The following PDE1A variants were observed in gnomAD, a reference collection of about 807,000 sequenced individuals.
PDE1A encodes the protein phosphodiesterase 1A, also known as dual specificity calcium/calmodulin-dependent 3',5'-cyclic nucleotide phosphodiesterase 1A.
PDE1A carries 35 observed loss-of-function variants against 61.7 expected under a neutral mutation model. That is an observed-to-expected ratio of 0.57 (90% confidence interval 0.43 to 0.75). PDE1A has a LOEUF of 0.75. PDE1A is among the 30% of genes least tolerant of loss of function. The probability of loss-of-function intolerance (pLI) is 0.00; values close to 1 mark genes in which losing one functional copy is unlikely to be tolerated. For synonymous variants in PDE1A, 232 were observed against 213.2 expected (o/e 1.09, Z -0.77); for missense variants, 597 against 630.6 (o/e 0.95, Z 0.57).
chr2:182,262,230 C>CTT (rs1553559169), intron 2 of PDE1A, among the ~76,000 whole-genome samples: 3 of 144,208 alleles, frequency 2.1e-5, no homozygotes, highest in Non-Finnish European at 4.6e-5. Context: ...TTTTCTTTCT[C>CTT]TCTTTCTTTC....
intron 1 of PDE1A, among the ~76,000 whole-genome samples, chr2:182,295,185 C>T (rs954351713): frequency 2.7e-5 from 4 of 146,824 alleles, no homozygotes; most frequent in African/African-American, 1.0e-4. Context: ...CGCCATTCTC[C>T]TGCCTCAGCC....
At position 182,256,038 on chromosome 2, in the gene PDE1A, CTTTTT is replaced by C. The variant is rs755211798; in HGVS notation, c.167+8258_167+8262del. 8.7e-5 allele frequency among the ~76,000 whole-genome samples: 8 copies of C among 92,336 alleles called. No individual in the cohort carries two copies. The East Asian group carries it at 2.7e-3, about 31-fold the overall frequency. 60.6% of individuals were successfully genotyped at this position (92,336 alleles called of 152,430 possible). ...CTAGATAACTTCCCAAGGATGACTTCTTTTTTTTTTTTTTTTTTTTCTTGTTTATT... is the reference window on the plus strand; with the variant it reads ...CTAGATAACTTCCCAAGGATGACTTCTTTTTTTTTTTTTTTCTTGTTTATT... On this transcript the variant is annotated intron_variant, in intron 2 of 13. Transcript: ENST00000351439.
intron 1 of PDE1A, among the ~76,000 whole-genome samples, chr2:182,308,191 G>A (rs1220037405): frequency 6.6e-6 from 1 of 152,080 alleles, no homozygotes; most frequent in African/African-American, 2.4e-5. Flanking sequence ...CCAGCTTAGA[G>A]TGCTCAGGGA....
At chr2:182,183,577 T>C (rs1426214261) in intron 13 of PDE1A, among the ~76,000 whole-genome samples, 1 of 152,112 alleles carries the variant, frequency 6.6e-6, no homozygotes, top group Non-Finnish European at 1.5e-5. Context: ...TTTGTCAGCC[T>C]AGGGTTGGGG....
the PDE1A span, among the ~76,000 whole-genome samples, chr2:182,558,571 T>C: frequency 6.6e-6 from 1 of 152,208 alleles, no homozygotes. Context: ...TACAAGATCA[T>C]GTCAGTTTTT....
intron 1 of PDE1A, among the ~76,000 whole-genome samples, chr2:182,386,419 C>T (rs1237017186): frequency 1.3e-5 from 2 of 151,846 alleles, no homozygotes; most frequent in Non-Finnish European, 2.9e-5. Flanking sequence ...TGCCCGGCTG[C>T]CCATCGTCTG....
chr2:182,357,482 T>G (rs532972324), intron 1 of PDE1A, among the ~76,000 whole-genome samples: 2 of 152,260 alleles, frequency 1.3e-5, no homozygotes, highest in Admixed American at 6.5e-5. Flanking sequence ...TCATTGACCT[T>G]TCTTTAGAGG....
At chr2:182,365,263 C>T (rs765992773) in intron 1 of PDE1A, among the ~76,000 whole-genome samples, 74 of 151,982 alleles carry the variant, frequency 4.9e-4, no homozygotes, top group Non-Finnish European at 6.0e-4. Flanking sequence ...TTGCAATCAT[C>T]TTGCACATAA....
chr2:182,157,744 T>C (rs1691173878), intron 13 of PDE1A, among the ~76,000 whole-genome samples: 1 of 152,196 alleles, frequency 6.6e-6, no homozygotes, highest in African/African-American at 2.4e-5. Context: ...TAGGAGTCTA[T>C]AGATATCCCT....
chr2:182,397,659 A>C (rs1051070151), intron 1 of PDE1A, among the ~76,000 whole-genome samples: 1 of 152,104 alleles, frequency 6.6e-6, no homozygotes. Flanking sequence ...GTGTCTTTTC[A>C]GTTTTTTTCC....
upstream of PDE1A, among the ~76,000 whole-genome samples, chr2:182,527,353 TATATATATATATATATATATAC>T (rs1559543483): frequency 6.8e-5 from 5 of 73,674 alleles, no homozygotes; most frequent in African/African-American, 3.1e-4. Context: ...TATATATATA[TATATATATATATATATATATAC>T]ACATATATAT....
At chr2:182,615,125 T>C in the PDE1A span, among the ~76,000 whole-genome samples, 1 of 152,218 alleles carries the variant, frequency 6.6e-6, no homozygotes, top group African/African-American at 2.4e-5. Flanking sequence ...TATGTAGCTA[T>C]GACAGATGAT....
intron 1 of PDE1A, among the ~76,000 whole-genome samples, chr2:182,331,814 C>T (rs1394738693): frequency 6.6e-6 from 1 of 152,124 alleles, no homozygotes; most frequent in Non-Finnish European, 1.5e-5. Context: ...GTGAATCTGA[C>T]AATTATGTGT....
chr2:182,534,590 A>G, the PDE1A span, among the ~76,000 whole-genome samples: 69 of 151,462 alleles, frequency 4.6e-4, 1 homozygote, highest in South Asian at 0.014. Flanking sequence ...GTACCACTTT[A>G]AAAAAAATAC....
intron 13 of PDE1A, among the ~76,000 whole-genome samples, chr2:182,148,406 C>A (rs938379121): frequency 6.6e-6 from 1 of 152,176 alleles, no homozygotes; most frequent in African/African-American, 2.4e-5. Context: ...TGTAGGATGG[C>A]TTTGCACTCA....
exon 14 of PDE1A, chr2:182,168,159 G>T: frequency 6.5e-7 from 1 of 1,539,238 alleles, no homozygotes; most frequent in South Asian, 1.3e-5. Context: ...ACAGGACAGG[G>T]TAGATTTCCA....
chr2:182,497,165 C>G (rs549579590), intron 2 of PDE1A, among the ~76,000 whole-genome samples: 1 of 152,134 alleles, frequency 6.6e-6, no homozygotes, highest in African/African-American at 2.4e-5. Flanking sequence ...TAAAACTCCA[C>G]TAACATGACA....
chr2:182,488,895 G>C (rs1688196031), intron 2 of PDE1A, among the ~76,000 whole-genome samples: 2 of 152,162 alleles, frequency 1.3e-5, no homozygotes, highest in African/African-American at 4.8e-5. Context: ...GAATGATTCA[G>C]GCCCTGGAAA....
chr2:182,519,092 T>A (rs1358249762), intron 2 of PDE1A, among the ~76,000 whole-genome samples: 6 of 152,052 alleles, frequency 3.9e-5, no homozygotes, highest in Admixed American at 1.3e-4. Flanking sequence ...ACTTTCCACA[T>A]GGAAATCAAT....
Sources: allele counts gnomAD v4.1 joint callset (sites outside exome capture counted in the v4.1 genomes callset), GRCh38; gene constraint gnomAD v4.1.1; transcripts MANE v1.5; gene names NCBI Gene and HGNC (gene_info 2026-07-23, HGNC 2026-07-21).